Variants in KCMF1 observed in about 807,000 individuals in gnomAD.
The protein encoded by KCMF1 is potassium channel modulatory factor 1.
A neutral mutation model predicts 41.1 loss-of-function variants in KCMF1; 3 were observed. That is an observed-to-expected ratio of 0.07 (90% CI 0.03 to 0.19). KCMF1 has a LOEUF of 0.19. Among genes scored for constraint, KCMF1 ranks in the 10% least tolerant of loss-of-function variants. KCMF1 has a pLI of 1.00. For synonymous variants in KCMF1, 142 were observed against 164.5 expected, an observed-to-expected ratio of 0.86 and a Z score of 1.04; for missense variants, 286 against 488.9, an observed-to-expected ratio of 0.58 and a Z score of 3.91.
chr2:85,022,519 C>A (rs1280871233), intron 1 of KCMF1, among the ~76,000 whole-genome samples: 1 of 152,156 alleles, frequency 6.6e-6, no homozygotes, highest in Non-Finnish European at 1.5e-5. Context: ...AGTTTTCCAC[C>A]TGACAGTCCA....
At chr2:84,973,428 A>G (rs1416007614) in intron 1 of KCMF1, among the ~76,000 whole-genome samples, 3 of 152,330 alleles carry the variant, frequency 2.0e-5, no homozygotes, top group Middle Eastern at 3.4e-3. Flanking sequence ...AGTTACTTGA[A>G]TATTGCTGAA....
chr2:84,971,466 A>T lies in KCMF1; in HGVS notation c.15A>T (p.Glu5Asp). Residue 5 changes from glutamate to aspartate, a missense_variant and splice_region_variant, in exon 1 of 7, where the codon GAA becomes GAT. Around this residue, in one of 2 missense-constraint regions of KCMF1, gnomAD observed 95 missense variants for 209.6 expected, o/e 0.45. Transcript: ENST00000409785. MSRH[E>D]GVSCDACLKG... is the part of the protein sequence containing the mutation. ...TCTGAACTAGGATGTCCCGACATGA[A>T]GGTGAGAGGAGCCCCCGCCCCCACC... 7.8e-7 allele frequency: 1 copy of T among 1,278,826 alleles called. No individual in the cohort carries two copies. The highest frequency in any genetic ancestry group is 1.0e-6 in the Non-Finnish European group (1 of 989,888). The allele number at this position is 1,278,826 out of a possible 1,614,324, so 79.2% of individuals were successfully genotyped here.
chr2:85,058,632 C>T lies in KCMF1; in HGVS notation c.*5223C>T, dbSNP rs561382387. Reference sequence around the variant, plus strand: ...TTTTGAGTTCCCAGTAGGTACGAAGCTTTGTCTAAACATTATTTACCAACT... The same window carrying T: ...TTTTGAGTTCCCAGTAGGTACGAAGTTTTGTCTAAACATTATTTACCAACT... On this transcript the variant is annotated 3_prime_UTR_variant, in exon 7 of 7. Transcript: ENST00000409785. 8 of 152,308 alleles carry T rather than the reference C, an allele frequency of 5.3e-5. No individual in the cohort carries two copies. Among genetic ancestry groups the T allele is most frequent in the Non-Finnish European group, 1.0e-4 (7 of 68,016 alleles). The allele number at this position is 152,308 out of a possible 1,614,324, so 9.4% of individuals were successfully genotyped here. A position where few individuals can be genotyped will look rare whatever the true frequency, so the allele number is the denominator to read the frequency against.
At chr2:85,036,037 G>C (rs2104042629) in intron 3 of KCMF1, among the ~76,000 whole-genome samples, 1 of 152,300 alleles carries the variant, frequency 6.6e-6, no homozygotes, top group South Asian at 2.1e-4. Flanking sequence ...CAGGTGTTTG[G>C]ACTCAGCTAG....
intron 1 of KCMF1, among the ~76,000 whole-genome samples, chr2:84,979,546 A>C (rs1002257532): frequency 6.6e-6 from 1 of 150,608 alleles, no homozygotes; most frequent in African/African-American, 2.4e-5. Flanking sequence ...AAATCACTTT[A>C]TAAATATAGC....
chr2:84,989,962 T>A (rs776488280), intron 1 of KCMF1, among the ~76,000 whole-genome samples: 5 of 152,126 alleles, frequency 3.3e-5, no homozygotes, highest in Non-Finnish European at 7.3e-5. Flanking sequence ...GAATTGAGCA[T>A]TGGAGGAGCA....
chr2:85,013,502 A>G (rs1037718728), intron 1 of KCMF1, among the ~76,000 whole-genome samples: 10 of 152,124 alleles, frequency 6.6e-5, no homozygotes, highest in African/African-American at 1.2e-4. Flanking sequence ...GCAGAAAGTC[A>G]GTATAAGAGT....
chr2:84,988,736 T>C (rs1338612823), intron 1 of KCMF1, among the ~76,000 whole-genome samples: 1 of 152,196 alleles, frequency 6.6e-6, no homozygotes, highest in African/African-American at 2.4e-5. Context: ...GCCAGGATTT[T>C]TAATCAAACT....
At chr2:84,999,447 G>A (rs1317655306) in intron 1 of KCMF1, among the ~76,000 whole-genome samples, 3 of 152,076 alleles carry the variant, frequency 2.0e-5, no homozygotes, top group East Asian at 1.9e-4. Flanking sequence ...CACCACACCC[G>A]GCCTCATTTA....
chr2:85,033,861 A>G (rs906488069), intron 2 of KCMF1, among the ~76,000 whole-genome samples: 3 of 152,090 alleles, frequency 2.0e-5, no homozygotes, highest in Non-Finnish European at 4.4e-5. Flanking sequence ...CTAACTGGTT[A>G]GTTTTCCAGT....
chr2:85,033,672 C>T (rs1380979862), intron 2 of KCMF1, among the ~76,000 whole-genome samples: 1 of 152,194 alleles, frequency 6.6e-6, no homozygotes, highest in Non-Finnish European at 1.5e-5. Context: ...GTTAATACCT[C>T]TTAACAACCC....
intron 1 of KCMF1, among the ~76,000 whole-genome samples, chr2:85,008,910 T>C (rs973321122): frequency 6.6e-6 from 1 of 151,982 alleles, no homozygotes; most frequent in African/African-American, 2.4e-5. Flanking sequence ...GCAGTTTTTT[T>C]GTAGATAGGA....
intron 1 of KCMF1, among the ~76,000 whole-genome samples, chr2:85,009,136 T>G (rs192371430): frequency 9.1e-4 from 139 of 152,300 alleles, no homozygotes; most frequent in Middle Eastern, 3.4e-3. Context: ...GATTGAATCA[T>G]GGGGGCAGAC....
chr2:85,023,316 C>CA (rs1674995989), intron 1 of KCMF1, among the ~76,000 whole-genome samples: 1 of 67,272 alleles, frequency 1.5e-5, no homozygotes, highest in Admixed American at 2.3e-4. Context: ...ATCTGAATAG[C>CA]CTTTTTTTTT....
At chr2:85,008,072 G>A (rs1224954434) in intron 1 of KCMF1, among the ~76,000 whole-genome samples, 3 of 151,340 alleles carry the variant, frequency 2.0e-5, no homozygotes, top group East Asian at 1.9e-4. Flanking sequence ...CGCTAGTTGT[G>A]TTCTATAAAG....
Position 85,035,029 on chromosome 2 carries a change from T to G in KCMF1, c.198T>G (p.Gly66=). The G allele has an allele frequency of 6.2e-7, 1 of 1,611,934 alleles. No homozygotes were observed. Among genetic ancestry groups the G allele is most frequent in the Non-Finnish European group, 8.5e-7 (1 of 1,178,480 alleles). Residue 66 remains glycine (G), a synonymous_variant, in exon 3 of 7, where the codon GGT becomes GGG. Transcript: ENST00000409785. ...CTTATTTTTCAGATTTATACTATGG[T>G]GGGGAAGCTTTCTCTGTAGAGCAGC... The part of the protein sequence containing the change: ...LTRVDFDLYY[G]GEAFSVEQPQ...
chr2:85,042,452 G>A (rs1360596015), intron 3 of KCMF1, among the ~76,000 whole-genome samples: 1 of 152,182 alleles, frequency 6.6e-6, no homozygotes, highest in East Asian at 1.9e-4. Context: ...TGTGCTGGCA[G>A]CAGACAATAA....
At chr2:85,017,012 CTTTTTTT>C (rs768880385) in intron 1 of KCMF1, among the ~76,000 whole-genome samples, 3 of 99,526 alleles carry the variant, frequency 3.0e-5, no homozygotes, top group Admixed American at 1.2e-4. Flanking sequence ...AGATCCTCTT[CTTTTTTT>C]TTTTTTTTTT....
intron 1 of KCMF1, among the ~76,000 whole-genome samples, chr2:84,980,013 A>G (rs1295420251): frequency 6.8e-6 from 1 of 146,336 alleles, no homozygotes; most frequent in Non-Finnish European, 1.5e-5. Context: ...TTTTTTTTGT[A>G]GTAGAGATGG....
Sources: allele counts gnomAD v4.1 joint callset (sites outside exome capture counted in the v4.1 genomes callset), GRCh38; gene constraint gnomAD v4.1.1; regional missense constraint gnomAD v4.1.1; transcripts MANE v1.5; gene names NCBI Gene and HGNC (gene_info 2026-07-23, HGNC 2026-07-21).